Variants in LRRC8C observed in about 807,000 individuals in gnomAD.
LRRC8C encodes leucine rich repeat containing 8 VRAC subunit C.
In LRRC8C, 20 loss-of-function variants were observed where a neutral mutation model predicts 55.3. That is an observed-to-expected ratio of 0.36 (90% confidence interval 0.25 to 0.53). The LOEUF is 0.53. LRRC8C is among the 20% of genes least tolerant of loss of function. The pLI is 0.92. For missense variants in LRRC8C, 659 were observed against 951.4 expected, an observed-to-expected ratio of 0.69 and a Z score of 4.04; for synonymous variants, 376 against 360.7, an observed-to-expected ratio of 1.04 and a Z score of -0.48.
At chr1:89,672,456 T>C (rs1032979140) in intron 1 of LRRC8C, among the ~76,000 whole-genome samples, 3 of 152,246 alleles carry the variant, frequency 2.0e-5, no homozygotes, top group African/African-American at 7.2e-5. Context: ...ACCTTGCAGA[T>C]AGAGCTATTC....
At chr1:89,635,818 A>G (rs1656262547) in intron 1 of LRRC8C, among the ~76,000 whole-genome samples, 2 of 152,200 alleles carry the variant, frequency 1.3e-5, no homozygotes, top group African/African-American at 2.4e-5. Context: ...CCCATCAGCT[A>G]TTATCACTGA....
intron 1 of LRRC8C, among the ~76,000 whole-genome samples, chr1:89,678,853 T>C (rs547986568): frequency 1.8e-4 from 28 of 152,244 alleles, no homozygotes; most frequent in African/African-American, 6.5e-4. Context: ...ATAGGAAAGC[T>C]GTAAGTGGAG....
At chr1:89,676,614 G>A (rs987495815) in intron 1 of LRRC8C, among the ~76,000 whole-genome samples, 6 of 152,118 alleles carry the variant, frequency 3.9e-5, no homozygotes, top group Admixed American at 1.3e-4. Context: ...TGGATAAGTC[G>A]ATTTTAGTGT....
chr1:89,673,412 T>C (rs922121188), intron 1 of LRRC8C, among the ~76,000 whole-genome samples: 9 of 152,184 alleles, frequency 5.9e-5, no homozygotes, highest in South Asian at 2.1e-4. Flanking sequence ...ATCTTTGAGA[T>C]GGTTTTCTCA....
chr1:89,671,769 T>G (rs1657422672), intron 1 of LRRC8C, among the ~76,000 whole-genome samples: 1 of 152,138 alleles, frequency 6.6e-6, no homozygotes, highest in Non-Finnish European at 1.5e-5. Flanking sequence ...TAGGTCAGAG[T>G]CAGTTTGCAT....
chr1:89,625,615 G>C, the LRRC8C span, among the ~76,000 whole-genome samples: 1 of 152,158 alleles, frequency 6.6e-6, no homozygotes, highest in Non-Finnish European at 1.5e-5. Context: ...TGTGCGCATG[G>C]CTACGGCATT....
At chr1:89,618,931 A>C in the LRRC8C span, among the ~76,000 whole-genome samples, 1 of 152,202 alleles carries the variant, frequency 6.6e-6, no homozygotes, top group Non-Finnish European at 1.5e-5. Context: ...TCTGTTTTAA[A>C]ATTAATATTG....
intron 1 of LRRC8C, among the ~76,000 whole-genome samples, chr1:89,656,108 A>G (rs1656936058): frequency 6.6e-6 from 1 of 152,262 alleles, no homozygotes; most frequent in South Asian, 2.1e-4. Flanking sequence ...CACAACAAAG[A>G]TTCAACATGA....
chr1:89,640,787 G>A (rs1169071865), intron 1 of LRRC8C, among the ~76,000 whole-genome samples: 2 of 152,158 alleles, frequency 1.3e-5, no homozygotes, highest in Admixed American at 1.3e-4. Context: ...GGATCTGGAT[G>A]GCATAATAGA....
intron 1 of LRRC8C, among the ~76,000 whole-genome samples, chr1:89,685,745 C>T (rs1657861113): frequency 6.6e-6 from 1 of 152,052 alleles, no homozygotes; most frequent in Non-Finnish European, 1.5e-5. Context: ...ATAGGAGTTT[C>T]CAGACTGAAC....
chr1:89,686,702 C>T (rs1333372598), intron 2 of LRRC8C, 91 bp downstream of exon 2: 4 of 1,421,116 alleles, frequency 2.8e-6, no homozygotes, highest in African/African-American at 2.8e-5. Flanking sequence ...GATTTTTAAC[C>T]ATGTAAGTAT....
upstream of LRRC8C, among the ~76,000 whole-genome samples, chr1:89,629,223 G>A (rs1375783891): frequency 6.6e-6 from 1 of 152,182 alleles, no homozygotes; most frequent in African/African-American, 2.4e-5. Flanking sequence ...TTCAGAAAGT[G>A]CTAATGGTTG....
At chr1:89,685,218 A>G (rs888441199) in intron 1 of LRRC8C, among the ~76,000 whole-genome samples, 2 of 143,032 alleles carry the variant, frequency 1.4e-5, no homozygotes, top group Non-Finnish European at 3.0e-5. Flanking sequence ...TCCCGGGTTC[A>G]CGCCATTCTC....
At chr1:89,712,004 C>G (rs948043191) in intron 2 of LRRC8C, among the ~76,000 whole-genome samples, 5 of 152,218 alleles carry the variant, frequency 3.3e-5, no homozygotes, top group African/African-American at 1.2e-4. Flanking sequence ...TTCTGCTTCT[C>G]ATACACAGAC....
chr1:89,663,053 A>T (rs1657161612), intron 1 of LRRC8C, among the ~76,000 whole-genome samples: 1 of 152,058 alleles, frequency 6.6e-6, no homozygotes, highest in South Asian at 2.1e-4. Flanking sequence ...ACTCCCACTT[A>T]TGAGTGAGAA....
the LRRC8C span, among the ~76,000 whole-genome samples, chr1:89,625,995 C>CA: frequency 7.2e-5 from 11 of 152,220 alleles, no homozygotes; most frequent in South Asian, 1.2e-3. Context: ...TATTTTTAAT[C>CA]AAAAAATTTC....
At chr1:89,687,333 A>C (rs1402968719) in intron 2 of LRRC8C, among the ~76,000 whole-genome samples, 1 of 152,194 alleles carries the variant, frequency 6.6e-6, no homozygotes, top group East Asian at 1.9e-4. Context: ...TTGAATTAAA[A>C]CTTGGAGAAC....
upstream of LRRC8C, among the ~76,000 whole-genome samples, chr1:89,631,268 A>T (rs1186217658): frequency 6.6e-6 from 1 of 152,172 alleles, no homozygotes; most frequent in Non-Finnish European, 1.5e-5. Flanking sequence ...GGGGGCAGAT[A>T]AAAAGAACAG....
intron 1 of LRRC8C, among the ~76,000 whole-genome samples, chr1:89,679,644 T>C (rs1261100675): frequency 1.3e-5 from 2 of 152,236 alleles, no homozygotes; most frequent in Non-Finnish European, 2.9e-5. Context: ...TTCTTTTCTG[T>C]TGAATTCCTA....
Sources: gnomAD v4.1 joint callset for allele counts (sites outside exome capture counted in the v4.1 genomes callset) on GRCh38, gnomAD v4.1.1 for gene constraint, MANE v1.5 for transcripts, NCBI Gene and HGNC (gene_info 2026-07-23, HGNC 2026-07-21) for gene names.